The following ITGA11 variants were observed in gnomAD, a reference collection of about 807,000 sequenced individuals.
ITGA11 encodes integrin subunit alpha 11.
A neutral mutation model predicts 141.9 loss-of-function variants in ITGA11; 97 were observed. The ratio of observed to expected loss-of-function variants is 0.68; its 90% CI spans 0.58 to 0.81. The LOEUF (loss-of-function observed/expected upper bound fraction) is 0.81, where lower values mean the gene tolerates loss of function less well. Ranked by LOEUF, ITGA11 falls within the 30% of genes least tolerant of loss-of-function variation. The pLI is 0.00. For synonymous variants in ITGA11, 658 were observed against 624.6 expected (o/e 1.05, Z -0.80); for missense variants, 1,387 against 1,559.2 (o/e 0.89, Z 1.86).
rs1276515739 is a variant in ITGA11 at position 68,339,587 on chromosome 15, C to T, written c.1189G>A (p.Glu397Lys). 8 of 1,614,028 alleles carry T rather than the reference C, an allele frequency of 5.0e-6. No individual in the cohort carries two copies. The highest frequency in any genetic ancestry group is 1.3e-5 in the African/African-American group (1 of 75,052). Residue 397 changes from glutamate to lysine, a missense_variant, in exon 11 of 30, where the codon GAG (glutamate) becomes AAG (lysine). Transcript: ENST00000315757. ...GGAATGACCTTCCCGGCACTCGTCTCCTTTAGCACAGCTCCATTCCAGTCA... is the reference window on the plus strand; with the variant it reads ...GGAATGACCTTCCCGGCACTCGTCTTCTTTAGCACAGCTCCATTCCAGTCA... ...AYDWNGAVLK[E>K]TSAGKVIPLR...
chr15:68,340,450 T>C (rs1894530366), intron 10 of ITGA11, among the ~76,000 whole-genome samples: 2 of 152,148 alleles, frequency 1.3e-5, no homozygotes, highest in African/African-American at 4.8e-5. Flanking sequence ...ACGGAACCTT[T>C]GTTCATAAGG....
chr15:68,367,572 C>T (rs1041433756), intron 3 of ITGA11, among the ~76,000 whole-genome samples: 3 of 152,184 alleles, frequency 2.0e-5, no homozygotes, highest in African/African-American at 4.8e-5. Context: ...TATTACAGCA[C>T]CTGGTTTATT....
chr15:68,428,385 G>C (rs986154342), intron 1 of ITGA11, among the ~76,000 whole-genome samples: 2 of 152,180 alleles, frequency 1.3e-5, no homozygotes, highest in African/African-American at 4.8e-5. Context: ...TACTGTCTGA[G>C]TTCTTCCAGG....
intron 20 of ITGA11, 41 bp downstream of exon 20, chr15:68,320,144 T>A (rs1405154214): frequency 2.5e-6 from 4 of 1,576,222 alleles, no homozygotes; most frequent in Non-Finnish European, 3.5e-6. Context: ...TTTTCCTCTG[T>A]GCCAGGCAGA....
At position 68,331,122 on chromosome 15, in the gene ITGA11, C is replaced by A. The variant is rs374135654; in HGVS notation, c.1771-11G>T. 2 of 1,408,042 alleles carry A rather than the reference C, an allele frequency of 1.4e-6. No individual in the cohort carries two copies. The highest frequency in any genetic ancestry group is 1.9e-6 in the Non-Finnish European group (2 of 1,054,298). The allele number at this position is 1,408,042 out of a possible 1,614,324, so 87.2% of individuals were successfully genotyped here. On this transcript the variant is annotated splice_polypyrimidine_tract_variant and intron_variant, in intron 14 of 29. Coordinates refer to ENST00000315757, the MANE Select transcript of ITGA11 (RefSeq NM_001004439.2). Reference sequence around the variant, plus strand: ...TGAGGCTGTGATTCTCTGCAGGGCGCGGGAAGAGAGGGGGAGGGCATGCAC... The same window carrying A: ...TGAGGCTGTGATTCTCTGCAGGGCGAGGGAAGAGAGGGGGAGGGCATGCAC...
Position 68,348,877 on chromosome 15 carries a change from A to T in ITGA11, c.1084T>A (p.Phe362Ile), listed in dbSNP as rs755230735. ...LEGTNKNETSFGLEMSQTGFS... is the reference protein window; with the variant it reads ...LEGTNKNETSIGLEMSQTGFS... The stretch of plus-strand genomic sequence containing the variant: ...CCCGTCTGTGACATCTCCAGCCCAA[A>T]GGAGGTCTCGTTCTTGTTGGTGCCT... Residue 362 changes from phenylalanine (F) to isoleucine (I), a missense_variant, in exon 10 of 30, where the codon TTT becomes ATT. Phe to Ile is a conservative substitution (Grantham distance 21). Coordinates refer to ENST00000315757, the MANE Select transcript of ITGA11 (RefSeq NM_001004439.2). The T allele has an allele frequency of 6.2e-7, 1 of 1,608,980 alleles. No homozygotes were observed. The highest frequency in any genetic ancestry group is 8.5e-7 in the Non-Finnish European group (1 of 1,177,734).
At chr15:68,331,234 C>G in intron 14 of ITGA11, 123 bp from the exon 15 acceptor site, 1 of 860,088 alleles carries the variant, frequency 1.2e-6, no homozygotes, top group African/African-American at 1.7e-5. Flanking sequence ...AGAAGCTTCC[C>G]CAACCCAAAG....
At chr15:68,425,193 G>A (rs1897114359) in intron 1 of ITGA11, among the ~76,000 whole-genome samples, 2 of 152,200 alleles carry the variant, frequency 1.3e-5, no homozygotes, top group African/African-American at 2.4e-5. Context: ...ACAGGCCCAC[G>A]GGGAGAGCCA....
At position 68,364,803 on chromosome 15, in the gene ITGA11, G is replaced by T; in HGVS notation, c.266-5C>A. On this transcript the variant is annotated splice_region_variant and splice_polypyrimidine_tract_variant and intron_variant, in intron 3 of 29. Coordinates refer to ENST00000315757, the MANE Select transcript of ITGA11 (RefSeq NM_001004439.2). Reference sequence around the variant, plus strand: ...CGTTGGACAGGGTGACCCTTCCTGGGGTTGGGGGAGAAGTTCAGCTTGCAG... The same window carrying T: ...CGTTGGACAGGGTGACCCTTCCTGGTGTTGGGGGAGAAGTTCAGCTTGCAG... 1 of 1,613,524 alleles carries T rather than the reference G, an allele frequency of 6.2e-7. No individual in the cohort carries two copies. The highest frequency in any genetic ancestry group is 1.3e-5 in the African/African-American group (1 of 75,012).
At chr15:68,331,169 G>A (rs992444468) in intron 14 of ITGA11, 58 bp from the exon 15 acceptor site, 122 of 1,483,054 alleles carry the variant, frequency 8.2e-5, no homozygotes, top group Non-Finnish European at 7.9e-5. Context: ...GGGGGCGGGC[G>A]TCCCCGAGCA....
At chr15:68,360,016 G>A (rs889699403) in intron 5 of ITGA11, among the ~76,000 whole-genome samples, 8 of 152,112 alleles carry the variant, frequency 5.3e-5, no homozygotes, top group Admixed American at 2.6e-4. Flanking sequence ...TTTGAGTTGG[G>A]ACGCCTGTTG....
chr15:68,313,465 G>A (rs575629912), intron 23 of ITGA11, among the ~76,000 whole-genome samples: 1 of 152,308 alleles, frequency 6.6e-6, no homozygotes, highest in South Asian at 2.1e-4. Flanking sequence ...ATTCTCTACA[G>A]ACCATGCATC....
chr15:68,378,608 A>G (rs1450053307), intron 2 of ITGA11, among the ~76,000 whole-genome samples: 2 of 152,222 alleles, frequency 1.3e-5, no homozygotes, highest in African/African-American at 4.8e-5. Flanking sequence ...ATGCCACTGC[A>G]CTGTAGCCTG....
rs1037853828 is a variant in ITGA11 at position 68,430,167 on chromosome 15, G to A, written c.52+1848C>T. Among the ~76,000 whole-genome samples, 8 of 151,908 alleles carry A rather than the reference G, an allele frequency of 5.3e-5. 1 individual carries two copies. In the South Asian group the frequency reaches 1.0e-3, roughly 20 times the overall value. ...CAGACATAACTCAGGAGTGGTTTTC[G>A]CCATATAAGCGGAGCTCTGAGTCAC... On this transcript the variant is annotated intron_variant, in intron 1 of 29. Transcript: ENST00000315757.
intron 1 of ITGA11, among the ~76,000 whole-genome samples, chr15:68,412,850 A>G (rs1896807207): frequency 6.6e-6 from 1 of 151,422 alleles, no homozygotes; most frequent in African/African-American, 2.4e-5. Context: ...TAATTTTTGT[A>G]CTTTTAGTAG....
chr15:68,425,176 C>G (rs573167165), intron 1 of ITGA11, among the ~76,000 whole-genome samples: 1 of 152,324 alleles, frequency 6.6e-6, no homozygotes, highest in East Asian at 1.9e-4. Context: ...GTCTTCCTTG[C>G]CAAACAACAG....
In ITGA11 at chr15:68,324,141, G is replaced by A. The variant is rs922340223; in HGVS notation, c.2322+990C>T. 1.3e-5 allele frequency among the ~76,000 whole-genome samples: 2 copies of A among 152,108 alleles called. No homozygotes were observed. Among genetic ancestry groups the A allele is most frequent in the African/African-American group, 4.8e-5 (2 of 41,400 alleles). On this transcript the variant is annotated intron_variant, in intron 18 of 29. Transcript: ENST00000315757. The surrounding 1 kb of genome is among the most constrained non-coding windows in gnomAD (Gnocchi z 6.3). ...AGGAGCTCAGACTTAGGAGAAAGAG[G>A]GGAGGTGTGAGGACGGAGGTTTGGC...
At chr15:68,381,558 AAT>A (rs1895861695) in intron 2 of ITGA11, among the ~76,000 whole-genome samples, 1 of 59,970 alleles carries the variant, frequency 1.7e-5, no homozygotes, top group East Asian at 1.8e-3. Context: ...ACAGCATTCC[AAT>A]TTTTTTTTTT....
chr15:68,421,541 G>T (rs1897017282), intron 1 of ITGA11, among the ~76,000 whole-genome samples: 1 of 152,166 alleles, frequency 6.6e-6, no homozygotes, highest in Non-Finnish European at 1.5e-5. Flanking sequence ...GCGGATGCAA[G>T]GAGGCCAGTG....
Sources: gnomAD v4.1 joint callset for allele counts (sites outside exome capture counted in the v4.1 genomes callset) on GRCh38, gnomAD v4.1.1 for gene constraint, Gnocchi (gnomAD v3.1) non-coding constraint, MANE v1.5 for transcripts, NCBI Gene and HGNC (gene_info 2026-07-23, HGNC 2026-07-21) for gene names.